APOL3: variants seen among roughly 807,000 people sequenced by gnomAD.
The protein encoded by APOL3 is TNF-inducible protein CG12-1.
In APOL3, 14 loss-of-function variants were observed where a neutral mutation model predicts 11.6. The observed-to-expected ratio is 1.21, with a 90% CI of 0.80 to 1.89. The LOEUF is 1.89. Among genes scored for constraint, APOL3 ranks in the 40% most tolerant of loss-of-function variants. The pLI is 0.00. For synonymous variants in APOL3, 192 were observed against 190.6 expected (o/e 1.01, Z -0.06); for missense variants, 483 against 492.1 (o/e 0.98, Z 0.17).
intron 2 of APOL3, among the ~76,000 whole-genome samples, chr22:36,144,439 C>G (rs974423072): frequency 6.6e-6 from 1 of 152,158 alleles, no homozygotes; most frequent in Non-Finnish European, 1.5e-5. Flanking sequence ...GATTGAACTA[C>G]TATTAGCATT....
At chr22:36,154,609 A>G (rs1348466111) in intron 1 of APOL3, 1 of 471,142 alleles carries the variant, frequency 2.1e-6, no homozygotes. Context: ...GTGGACTCCC[A>G]GAAGGGCTGT....
intron 2 of APOL3, among the ~76,000 whole-genome samples, chr22:36,143,992 T>G (rs1215537868): frequency 6.6e-6 from 1 of 152,156 alleles, no homozygotes; most frequent in Non-Finnish European, 1.5e-5. Context: ...CAGACACTTG[T>G]TCCAACTCTC....
At chr22:36,141,067 C>G in exon 3 of APOL3, 2 of 1,380,296 alleles carry the variant, frequency 1.4e-6, no homozygotes, top group Non-Finnish European at 9.8e-7. Flanking sequence ...TGCTCAGCTA[C>G]AGAAATGCCA....
At chr22:36,161,335 G>A (rs956812115), upstream of APOL3, 4 of 186,574 alleles carry the variant, frequency 2.1e-5, no homozygotes, top group Non-Finnish European at 3.4e-5. Flanking sequence ...ACAAGCATGA[G>A]CCACTCGGCC....
At chr22:36,142,911 C>T (rs963283412) in intron 2 of APOL3, among the ~76,000 whole-genome samples, 2 of 152,204 alleles carry the variant, frequency 1.3e-5, no homozygotes, top group African/African-American at 2.4e-5. Flanking sequence ...AGGGAGGGTC[C>T]TCCCCACTTG....
At chr22:36,162,218 G>A (rs1036551161), upstream of APOL3, among the ~76,000 whole-genome samples, 1 of 152,164 alleles carries the variant, frequency 6.6e-6, no homozygotes, top group Non-Finnish European at 1.5e-5. Flanking sequence ...GCCCACCTAA[G>A]TTCAGCCCCA....
intron 1 of APOL3, among the ~76,000 whole-genome samples, chr22:36,150,762 G>A (rs761270692): frequency 1.3e-5 from 2 of 152,182 alleles, no homozygotes; most frequent in African/African-American, 2.4e-5. Context: ...GCGTGTGCCT[G>A]TAATCCCAGT....
intron 1 of APOL3, among the ~76,000 whole-genome samples, chr22:36,148,187 G>A (rs1262654767): frequency 1.3e-5 from 2 of 152,198 alleles, no homozygotes; most frequent in African/African-American, 4.8e-5. Context: ...AAATTCGATT[G>A]GACCTCAGAT....
rs748172974 is a variant in APOL3 at position 36,149,126 on chromosome 22, C to T, written c.224-3527G>A. On this transcript the variant is annotated intron_variant, in intron 1 of 2. Transcript: ENST00000349314. ...AGTCACTGACCTGACTGGAAGGGTT[C>T]GTTTTTTTTCTTAACCCTTGAGGAG... 4.5e-5 allele frequency: 62 copies of T among 1,367,610 alleles called. 1 individual carries two copies. Among genetic ancestry groups the T allele is most frequent in the Non-Finnish European group, 5.3e-5 (54 of 1,021,900 alleles). 84.7% of individuals were successfully genotyped at this position (1,367,610 alleles called of 1,614,324 possible). A position where few individuals can be genotyped will look rare whatever the true frequency, so the allele number is the denominator to read the frequency against.
chr22:36,141,333 T>G, exon 3 of APOL3: 1 of 1,614,110 alleles, frequency 6.2e-7, no homozygotes, highest in East Asian at 2.2e-5. Flanking sequence ...GTGCTTTGAC[T>G]CGTATACAAG....
chr22:36,165,330 A>G (rs2013832702), upstream of APOL3: 1 of 152,192 alleles, frequency 6.6e-6, no homozygotes, highest in Non-Finnish European at 1.5e-5. Flanking sequence ...GTCTTATGAA[A>G]TTGATGAGCT....
At chr22:36,164,161 C>T (rs369635559), upstream of APOL3, among the ~76,000 whole-genome samples, 12 of 152,270 alleles carry the variant, frequency 7.9e-5, 1 homozygote, top group African/African-American at 2.9e-4. Flanking sequence ...AGTTTTAAAA[C>T]CTTGTTTAAA....
At position 36,147,604 on chromosome 22, in the gene APOL3, T is replaced by C. The variant is rs575368822; in HGVS notation, c.224-2005A>G. 4.6e-5 allele frequency among the ~76,000 whole-genome samples: 7 copies of C among 152,226 alleles called. 1 individual carries two copies. The South Asian group carries it at 1.5e-3, about 32-fold the overall frequency. On this transcript the variant is annotated intron_variant, in intron 1 of 2. Transcript: ENST00000349314. ...CGGCTCCTGAGCAGATGTGACTTGGTTGCCAAGGCAACTCAGTGAGGGGAG... is the reference window on the plus strand; with the variant it reads ...CGGCTCCTGAGCAGATGTGACTTGGCTGCCAAGGCAACTCAGTGAGGGGAG...
At chr22:36,158,507 C>G (rs552781632) in intron 1 of APOL3, among the ~76,000 whole-genome samples, 1 of 152,072 alleles carries the variant, frequency 6.6e-6, no homozygotes, top group Non-Finnish European at 1.5e-5. Flanking sequence ...AGGCGGGTCC[C>G]TAACACTATG....
chr22:36,150,874 A>T (rs989495994), intron 1 of APOL3, among the ~76,000 whole-genome samples: 1 of 152,152 alleles, frequency 6.6e-6, no homozygotes, highest in Non-Finnish European at 1.5e-5. Context: ...ACAGACTGGG[A>T]CTCTGTCTCA....
At chr22:36,141,323 G>A in exon 3 of APOL3, 1 of 1,614,186 alleles carries the variant, frequency 6.2e-7, no homozygotes, top group Middle Eastern at 1.6e-4. Context: ...CCTCATGCAA[G>A]TGCTTTGACT....
chr22:36,159,270 G>A (rs1245567572), intron 1 of APOL3: 1 of 152,114 alleles, frequency 6.6e-6, no homozygotes, highest in Non-Finnish European at 1.5e-5. Flanking sequence ...CCCAGATGGG[G>A]TCAGCAGCCT....
At chr22:36,160,903 C>A in exon 1 of APOL3, 1 of 1,611,540 alleles carries the variant, frequency 6.2e-7, no homozygotes, top group African/African-American at 1.3e-5. Flanking sequence ...CTTGGTCCAG[C>A]AGCACCCTTG....
chr22:36,146,360 T>C (rs2060219553), intron 1 of APOL3: 1 of 151,792 alleles, frequency 6.6e-6, no homozygotes, highest in Non-Finnish European at 1.5e-5. Context: ...GATCGCTTCC[T>C]TCTGCCATGT....
Sources: gnomAD v4.1 joint callset for allele counts (sites outside exome capture counted in the v4.1 genomes callset) on GRCh38, gnomAD v4.1.1 for gene constraint, MANE v1.5 for transcripts, NCBI Gene and HGNC (gene_info 2026-07-23, HGNC 2026-07-21) for gene names.